The following ATRNL1 variants were observed in gnomAD, a reference collection of about 807,000 sequenced individuals.
ATRNL1 encodes the protein attractin-like protein 1.
ATRNL1 carries 95 observed loss-of-function variants against 182.7 expected under a neutral mutation model. That is an observed-to-expected ratio of 0.52 (90% confidence interval 0.44 to 0.62). ATRNL1 has a LOEUF of 0.62. ATRNL1 is among the 20% of genes least tolerant of loss of function. The pLI is 0.00. For missense variants in ATRNL1, 1,471 were observed against 1,679.5 expected (o/e 0.88, Z 2.17); for synonymous variants, 576 against 568.3 (o/e 1.01, Z -0.19).
chr10:115,438,582 T>C (rs2134437971), intron 21 of ATRNL1, among the ~76,000 whole-genome samples: 1 of 152,174 alleles, frequency 6.6e-6, no homozygotes, highest in South Asian at 2.1e-4. Flanking sequence ...TTGCTTAAAC[T>C]CCTTTTTCAT....
intron 19 of ATRNL1, among the ~76,000 whole-genome samples, chr10:115,344,617 TCCA>T: frequency 6.6e-6 from 1 of 152,316 alleles, no homozygotes; most frequent in South Asian, 2.1e-4. Flanking sequence ...CACTTGGTGC[TCCA>T]TCCACCTGTG....
chr10:115,284,366 G>GA (rs1379176834), intron 14 of ATRNL1, among the ~76,000 whole-genome samples: 24 of 152,208 alleles, frequency 1.6e-4, no homozygotes, highest in Non-Finnish European at 2.5e-4. Context: ...AGTAAGGTGA[G>GA]AAAAAACCGT....
At chr10:115,564,355 A>G (rs1853944020) in intron 26 of ATRNL1, among the ~76,000 whole-genome samples, 1 of 152,010 alleles carries the variant, frequency 6.6e-6, no homozygotes, top group Admixed American at 6.6e-5. Context: ...GCAGTCAATC[A>G]AAGCTTGATT....
chr10:115,933,075 G>C (rs1325012157), intron 28 of ATRNL1, among the ~76,000 whole-genome samples: 1 of 152,214 alleles, frequency 6.6e-6, no homozygotes, highest in African/African-American at 2.4e-5. Flanking sequence ...AAGGTGAACA[G>C]ATTCTTCCCT....
intron 26 of ATRNL1, among the ~76,000 whole-genome samples, chr10:115,704,175 G>T (rs1432008735): frequency 1.3e-5 from 2 of 151,848 alleles, no homozygotes; most frequent in Non-Finnish European, 2.9e-5. Context: ...ATATCAGTAG[G>T]GTTGTTTCCT....
chr10:115,276,044 CT>C (rs1220070305), intron 13 of ATRNL1, among the ~76,000 whole-genome samples: 2 of 152,018 alleles, frequency 1.3e-5, no homozygotes, highest in South Asian at 2.1e-4. Context: ...TTTTCCAATA[CT>C]TTTACCGTTC....
At chr10:115,703,480 A>G (rs1339446217) in intron 26 of ATRNL1, among the ~76,000 whole-genome samples, 3 of 151,894 alleles carry the variant, frequency 2.0e-5, no homozygotes, top group African/African-American at 7.2e-5. Flanking sequence ...AAAAGTACCA[A>G]AACTACTTAT....
intron 9 of ATRNL1, among the ~76,000 whole-genome samples, chr10:115,229,633 A>G (rs1849843370): frequency 6.6e-6 from 1 of 152,120 alleles, no homozygotes; most frequent in Non-Finnish European, 1.5e-5. Context: ...GATATCAGAG[A>G]TTTATTAAAA....
chr10:115,270,116 A>G (rs1851777809), intron 13 of ATRNL1, among the ~76,000 whole-genome samples: 3 of 151,268 alleles, frequency 2.0e-5, no homozygotes, highest in African/African-American at 7.3e-5. Context: ...AATGGGAGTT[A>G]TTTTAGTAGA....
intron 19 of ATRNL1, among the ~76,000 whole-genome samples, chr10:115,354,547 C>G (rs1856419778): frequency 6.6e-6 from 1 of 152,132 alleles, no homozygotes; most frequent in Non-Finnish European, 1.5e-5. Context: ...ACTGAGAAGG[C>G]TGCTGCCAGA....
In ATRNL1 at chr10:115,159,834, G is replaced by T. The variant is rs1034086722; in HGVS notation, c.830-206G>T. Among the ~76,000 whole-genome samples, 4 of 151,686 alleles carry T rather than the reference G, an allele frequency of 2.6e-5. No homozygotes were observed. The South Asian group carries it at 6.2e-4, about 24-fold the overall frequency. On this transcript the variant is annotated intron_variant, in intron 5 of 28. Transcript: ENST00000355044. ...GAAATTTATTTGAACATCCAAGTCC[G>T]ATTGTGAGTATATGACTTTTTTCAC...
chr10:115,782,795 A>C (rs2134192829), intron 27 of ATRNL1, among the ~76,000 whole-genome samples: 1 of 152,346 alleles, frequency 6.6e-6, no homozygotes, highest in African/African-American at 2.4e-5. Flanking sequence ...GCAGTCATAA[A>C]AATATAAGAG....
At chr10:115,105,447 T>C (rs1843964910) in intron 1 of ATRNL1, among the ~76,000 whole-genome samples, 1 of 152,200 alleles carries the variant, frequency 6.6e-6, no homozygotes, top group Admixed American at 6.5e-5. Context: ...GAGGAGAAAT[T>C]TAAGCCAGCT....
intron 21 of ATRNL1, among the ~76,000 whole-genome samples, chr10:115,450,818 G>A (rs562285407): frequency 6.6e-6 from 1 of 152,196 alleles, no homozygotes; most frequent in South Asian, 2.1e-4. Flanking sequence ...GAATAGCCAA[G>A]GCAATTTGAA....
At chr10:115,691,719 C>T (rs1252403458) in intron 26 of ATRNL1, among the ~76,000 whole-genome samples, 1 of 151,280 alleles carries the variant, frequency 6.6e-6, no homozygotes, top group Non-Finnish European at 1.5e-5. Context: ...CAGACCCTGT[C>T]TAAAAATCAA....
intron 8 of ATRNL1, among the ~76,000 whole-genome samples, chr10:115,212,768 G>C (rs1292921552): frequency 6.6e-6 from 1 of 152,060 alleles, no homozygotes; most frequent in East Asian, 1.9e-4. Flanking sequence ...AATACTGCGT[G>C]TTCTCACTTA....
rs148310652 is a variant in ATRNL1 at position 115,819,424 on chromosome 10, G to C, written c.3904-28453G>C. 4.2e-3 allele frequency among the ~76,000 whole-genome samples: 644 copies of C among 152,066 alleles called. 11 individuals carry two copies. Among genetic ancestry groups the C allele is most frequent in the East Asian group, 0.033 (172 of 5,146 alleles). On this transcript the variant is annotated intron_variant, in intron 27 of 28. Transcript: ENST00000355044. The stretch of plus-strand genomic sequence containing the variant: ...TTTTCTGATCAGGCCTATATCTCTA[G>C]GTTTTAAGAAATTTAGGAATTCAAA...
chr10:115,423,086 G>GT (rs1235582270), intron 20 of ATRNL1, among the ~76,000 whole-genome samples: 1 of 152,108 alleles, frequency 6.6e-6, no homozygotes. Context: ...ATAAAACAGT[G>GT]TAATTGGAAA....
intron 27 of ATRNL1, among the ~76,000 whole-genome samples, chr10:115,743,027 A>G (rs772880622): frequency 6.6e-5 from 10 of 152,196 alleles, no homozygotes; most frequent in Middle Eastern, 3.4e-3. Context: ...AGTGCCGAGT[A>G]AAAGGGGAAA....
Sources: gnomAD v4.1 joint callset for allele counts (sites outside exome capture counted in the v4.1 genomes callset) on GRCh38, gnomAD v4.1.1 for gene constraint, MANE v1.5 for transcripts, NCBI Gene and HGNC (gene_info 2026-07-23, HGNC 2026-07-21) for gene names.